The following CADM1 variants were observed in gnomAD, a reference collection of about 807,000 sequenced individuals.
CADM1 encodes the protein cell adhesion molecule 1, also known as TSLC-1.
CADM1 carries 15 observed loss-of-function variants against 53.1 expected under a neutral mutation model. The observed-to-expected ratio is 0.28, with a 90% CI of 0.19 to 0.44. The LOEUF is 0.44. Among genes scored for constraint, CADM1 ranks in the 20% least tolerant of loss-of-function variants. CADM1 has a pLI of 1.00. For missense variants in CADM1, 434 were observed against 611.3 expected (o/e 0.71, Z 3.06); for synonymous variants, 281 against 243.0 (o/e 1.16, Z -1.45).
chr11:115,321,695 C>T (rs1339347502), intron 1 of CADM1, among the ~76,000 whole-genome samples: 2 of 152,184 alleles, frequency 1.3e-5, no homozygotes, highest in Non-Finnish European at 2.9e-5. Flanking sequence ...GAGTTCAGGT[C>T]CTTTTCTAAA....
intron 1 of CADM1, among the ~76,000 whole-genome samples, chr11:115,366,532 A>T (rs147354894): frequency 6.6e-6 from 1 of 152,172 alleles, no homozygotes; most frequent in African/African-American, 2.4e-5. Flanking sequence ...GAGAGTTGCT[A>T]ATTTTTTCCT....
chr11:115,369,038 A>T (rs1946246745), intron 1 of CADM1, among the ~76,000 whole-genome samples: 1 of 146,588 alleles, frequency 6.8e-6, no homozygotes, highest in Non-Finnish European at 1.5e-5. Context: ...AAAAAAAAAA[A>T]AAAAAAAAAA....
intron 1 of CADM1, among the ~76,000 whole-genome samples, chr11:115,464,489 C>T (rs1006485206): frequency 6.6e-6 from 1 of 152,110 alleles, no homozygotes; most frequent in South Asian, 2.1e-4. Flanking sequence ...TGAGGGAAGG[C>T]CAGACTAACC....
At chr11:115,380,324 C>A (rs1465912846) in intron 1 of CADM1, among the ~76,000 whole-genome samples, 1 of 152,160 alleles carries the variant, frequency 6.6e-6, no homozygotes, top group South Asian at 2.1e-4. Flanking sequence ...CAATTCTCAG[C>A]CCTCGCATGC....
Position 115,294,913 on chromosome 11 carries a change from C to G in CADM1, c.125-54493G>C, listed in dbSNP as rs111524869. Among the ~76,000 whole-genome samples the G allele has an allele frequency of 2.9e-3, 437 of 152,220 alleles. 3 individuals carry two copies. The highest frequency in any genetic ancestry group is 0.024 in the Middle Eastern group (7 of 294). On this transcript the variant is annotated intron_variant, in intron 1 of 11. Transcript: ENST00000331581. ...ATTAGCCGGGCATGGTGGCATGCAC[C>G]TGTAATCCCAGCTACTCCAGGAGGC...
At chr11:115,274,291 C>A (rs1056093684) in intron 1 of CADM1, among the ~76,000 whole-genome samples, 1 of 152,204 alleles carries the variant, frequency 6.6e-6, no homozygotes. Flanking sequence ...CTCTGAATCA[C>A]GGAATGGCAC....
At chr11:115,400,928 C>T (rs1288773456) in intron 1 of CADM1, among the ~76,000 whole-genome samples, 1 of 151,648 alleles carries the variant, frequency 6.6e-6, no homozygotes, top group Non-Finnish European at 1.5e-5. Context: ...CTTTTGAAGA[C>T]AGTTTGGCAG....
chr11:115,254,419 G>T (rs1006709023), intron 1 of CADM1, among the ~76,000 whole-genome samples: 61 of 151,912 alleles, frequency 4.0e-4, no homozygotes, highest in African/African-American at 1.5e-3. Flanking sequence ...TTATTTTGAA[G>T]CCAATACTTT....
At chr11:115,324,513 A>AG (rs35268093) in intron 1 of CADM1, among the ~76,000 whole-genome samples, 152,264 of 152,264 alleles carry the variant, frequency 1, 76,132 homozygotes, top group Non-Finnish European at 1. Context: ...TTCGTGGAAA[A>AG]GAACATGACA....
At chr11:115,475,275 AT>A (rs747796767) in intron 1 of CADM1, among the ~76,000 whole-genome samples, 3 of 151,606 alleles carry the variant, frequency 2.0e-5, no homozygotes, top group East Asian at 1.9e-4. Flanking sequence ...TTTTAATTTT[AT>A]TTTTTTTCCT....
chr11:115,221,064 G>GA (rs1941387474), intron 5 of CADM1, among the ~76,000 whole-genome samples: 1 of 152,130 alleles, frequency 6.6e-6, no homozygotes. Context: ...TTTTCTGGGG[G>GA]ATCATTTTAC....
At chr11:115,238,231 A>G (rs1328968406) in intron 3 of CADM1, among the ~76,000 whole-genome samples, 2 of 152,186 alleles carry the variant, frequency 1.3e-5, no homozygotes, top group East Asian at 3.8e-4. Flanking sequence ...GTGGTGAGTG[A>G]TTCATTTGAG....
chr11:115,456,856 A>G (rs1379656147), intron 1 of CADM1, among the ~76,000 whole-genome samples: 1 of 152,188 alleles, frequency 6.6e-6, no homozygotes, highest in Non-Finnish European at 1.5e-5. Context: ...GGACACTGGA[A>G]CATTAACAGG....
At chr11:115,338,877 A>ATTTTTTTTTTTTTTTTTTTTTT (rs56300408) in intron 1 of CADM1, among the ~76,000 whole-genome samples, 2 of 127,744 alleles carry the variant, frequency 1.6e-5, no homozygotes, top group East Asian at 2.2e-4. Context: ...TATTTTTTTT[A>ATTTTTTTTTTTTTTTTTTTTTT]TTTTTTTTTT....
intron 1 of CADM1, among the ~76,000 whole-genome samples, chr11:115,383,660 TCCC>T (rs1174491299): frequency 6.6e-6 from 1 of 152,086 alleles, no homozygotes; most frequent in Admixed American, 6.6e-5. Flanking sequence ...AATTATCTTT[TCCC>T]CCCATGACTT....
chr11:115,307,266 G>A (rs1245904265), intron 1 of CADM1, among the ~76,000 whole-genome samples: 4 of 151,742 alleles, frequency 2.6e-5, no homozygotes, highest in African/African-American at 9.7e-5. Context: ...ACAATTACAA[G>A]AGCCCAAATA....
chr11:115,187,890 C>T (rs1208729690), intron 10 of CADM1, among the ~76,000 whole-genome samples: 5 of 152,130 alleles, frequency 3.3e-5, no homozygotes, highest in South Asian at 2.1e-4. Context: ...TTTTTTGGAT[C>T]GTGAGGGACA....
At chr11:115,437,627 C>T (rs1344953279) in intron 1 of CADM1, among the ~76,000 whole-genome samples, 4 of 152,196 alleles carry the variant, frequency 2.6e-5, no homozygotes, top group Non-Finnish European at 4.4e-5. Context: ...CTTAAATTAT[C>T]TTTCATCACA....
intron 1 of CADM1, among the ~76,000 whole-genome samples, chr11:115,315,934 G>A (rs1255546870): frequency 6.6e-6 from 1 of 152,064 alleles, no homozygotes; most frequent in Non-Finnish European, 1.5e-5. Flanking sequence ...CAACTGGGAG[G>A]GTGTTTTCTG....
Sources: allele counts gnomAD v4.1 joint callset (sites outside exome capture counted in the v4.1 genomes callset), GRCh38; gene constraint gnomAD v4.1.1; transcripts MANE v1.5; gene names NCBI Gene and HGNC (gene_info 2026-07-23, HGNC 2026-07-21).